ZNF562: variants seen among roughly 807,000 people sequenced by gnomAD.
ZNF562 encodes zinc finger protein 562.
ZNF562 carries 13 observed loss-of-function variants against 17.5 expected under a neutral mutation model. That is an observed-to-expected ratio of 0.74 (90% confidence interval 0.48 to 1.18). The LOEUF is 1.18. ZNF562 is among the 50% of genes most tolerant of loss of function. The pLI is 0.00. For synonymous variants in ZNF562, 163 were observed against 165.4 expected (o/e 0.99, Z 0.11); for missense variants, 481 against 498.5 (o/e 0.96, Z 0.33).
chr19:9,673,014 TC>T (rs2044256750), intron 1 of ZNF562, among the ~76,000 whole-genome samples: 1 of 152,080 alleles, frequency 6.6e-6, no homozygotes, highest in Non-Finnish European at 1.5e-5. Context: ...TCTCCATGCC[TC>T]CTTGCCTCTA....
In ZNF562 at chr19:9,660,781, T is replaced by C; in HGVS notation, c.-37A>G. 1 of 1,611,500 alleles carries C rather than the reference T, an allele frequency of 6.2e-7. No homozygotes were observed. The highest frequency in any genetic ancestry group is 8.5e-7 in the Non-Finnish European group (1 of 1,178,502). On this transcript the variant is annotated 5_prime_UTR_variant, in exon 2 of 6. Transcript: ENST00000453372. The stretch of plus-strand genomic sequence containing the variant: ...GATGGTGAGATGTGCCTCAATGCTG[T>C]CTTTCTTGATGCCAAGATCGCCTCA...
At position 9,660,862 on chromosome 19, in the gene ZNF562, G is replaced by T; in HGVS notation, c.-118C>A. ...CAATCTCCATTCCCCTTTGTACAGG[G>T]TTATCTGAGGCCCTGTTCATACCAA... On this transcript the variant is annotated 5_prime_UTR_variant, in exon 2 of 6. Coordinates refer to ENST00000453372, the MANE Select transcript of ZNF562 (RefSeq NM_001130031.2). 3.1e-6 allele frequency: 3 copies of T among 968,856 alleles called. No individual in the cohort carries two copies. The highest frequency in any genetic ancestry group is 2.5e-5 in the East Asian group (1 of 40,688). 60.0% of individuals were successfully genotyped at this position (968,856 alleles called of 1,614,324 possible).
chr19:9,652,351 A>C lies in ZNF562; in HGVS notation c.*598T>G, dbSNP rs1221689492. The C allele has an allele frequency of 6.6e-6, 1 of 152,276 alleles. No individual in the cohort carries two copies. The highest frequency in any genetic ancestry group is 1.5e-5 in the Non-Finnish European group (1 of 68,072). 9.4% of individuals were successfully genotyped at this position (152,276 alleles called of 1,614,324 possible). A position where few individuals can be genotyped will look rare whatever the true frequency, so the allele number is the denominator to read the frequency against. On this transcript the variant is annotated 3_prime_UTR_variant, in exon 6 of 6. Coordinates refer to ENST00000453372, the MANE Select transcript of ZNF562 (RefSeq NM_001130031.2). Reference sequence around the variant, plus strand: ...GCTCTGCAGGATCCATGGGAACAGAAGAGAACCTTGGAGGAGCATCTTTTT... The same window carrying C: ...GCTCTGCAGGATCCATGGGAACAGACGAGAACCTTGGAGGAGCATCTTTTT...
At chr19:9,661,067 T>A (rs2043716823) in intron 1 of ZNF562, among the ~76,000 whole-genome samples, 193 bp from the exon 2 acceptor site, 1 of 152,206 alleles carries the variant, frequency 6.6e-6, no homozygotes, top group Admixed American at 6.5e-5. Flanking sequence ...GTAGCTCTAG[T>A]AGCTTTATAT....
chr19:9,674,533 A>C (rs1216605243), intron 1 of ZNF562: 5 of 152,008 alleles, frequency 3.3e-5, no homozygotes, highest in Admixed American at 1.3e-4. Flanking sequence ...AAAAAAAGTA[A>C]AGGACATCAA....
intron 1 of ZNF562, among the ~76,000 whole-genome samples, chr19:9,672,725 G>C (rs1033751378): frequency 6.7e-6 from 1 of 149,856 alleles, no homozygotes; most frequent in Middle Eastern, 3.2e-3. Flanking sequence ...CTGTGGGGAA[G>C]TACAGACCTA....
intron 1 of ZNF562, among the ~76,000 whole-genome samples, chr19:9,662,178 A>C (rs1227173379): frequency 6.6e-6 from 1 of 152,216 alleles, no homozygotes; most frequent in Non-Finnish European, 1.5e-5. Flanking sequence ...GTATGACCAG[A>C]AGACAGCCCA....
intron 1 of ZNF562, among the ~76,000 whole-genome samples, chr19:9,669,309 C>A (rs1394391993): frequency 6.6e-6 from 1 of 151,484 alleles, no homozygotes; most frequent in East Asian, 1.9e-4. Context: ...AGATGTTTCT[C>A]AAAAAAAAGA....
intron 2 of ZNF562, 50 bp downstream of exon 2, chr19:9,660,670 A>G: frequency 1.3e-6 from 2 of 1,599,142 alleles, no homozygotes; most frequent in Non-Finnish European, 1.7e-6. Context: ...TATGTTGTGG[A>G]GGGCGACCTA....
In ZNF562 at chr19:9,656,664, A is replaced by G; in HGVS notation, c.242-11T>C. On this transcript the variant is annotated splice_polypyrimidine_tract_variant and intron_variant, in intron 4 of 5. Coordinates refer to ENST00000453372, the MANE Select transcript of ZNF562 (RefSeq NM_001130031.2). ...AGCAGAAAAAGAAATCTAAGGGTTT[A>G]GAGAAGAAATGTGTTAGTTTAAAAT... The G allele has an allele frequency of 6.2e-7, 1 of 1,610,898 alleles. No homozygotes were observed. The highest frequency in any genetic ancestry group is 8.5e-7 in the Non-Finnish European group (1 of 1,177,480).
chr19:9,658,361 T>C (rs532768582), intron 3 of ZNF562: 418 of 982,376 alleles, frequency 4.3e-4, no homozygotes, highest in Admixed American at 2.7e-3. Flanking sequence ...TTCTTTCTTT[T>C]TTTTTGTGAC....
rs192567541 is a variant in ZNF562, at chr19:9,670,016, C to T, written c.-131+4999G>A. Among the ~76,000 whole-genome samples, 708 of 152,146 alleles carry T rather than the reference C, an allele frequency of 4.7e-3. 4 individuals are homozygous for T. Among genetic ancestry groups the T allele is most frequent in the African/African-American group, 0.013 (521 of 41,520 alleles). On this transcript the variant is annotated intron_variant, in intron 1 of 5. Coordinates refer to ENST00000453372, the MANE Select transcript of ZNF562 (RefSeq NM_001130031.2). ...GGCGGACGTTGCAGTGAACCAAGAT[C>T]GTGCCACTGCACCCCAGCCTGAGTG...
intron 5 of ZNF562, 90 bp downstream of exon 5, chr19:9,656,457 T>G: frequency 1.8e-5 from 25 of 1,416,228 alleles, no homozygotes; most frequent in Non-Finnish European, 2.2e-5. Context: ...TGCGGTGAGC[T>G]GAGATGGTGC....
chr19:9,647,481 G>T lies in ZNF562; in HGVS notation c.*5468C>A. 1 of 152,316 alleles carries T rather than the reference G, an allele frequency of 6.6e-6. No individual in the cohort carries two copies. Among genetic ancestry groups the T allele is most frequent in the South Asian group, 2.1e-4 (1 of 4,850 alleles). The allele number at this position is 152,316 out of a possible 1,614,324, so 9.4% of individuals were successfully genotyped here. ...CTGGCCTCAAGGAATCCTTCTGACT[G>T]AGCTTCCCAGTGTGCTGGGATTAAA... is the stretch of plus-strand genomic sequence containing the variant. On this transcript the variant is annotated 3_prime_UTR_variant, in exon 6 of 6. Coordinates refer to ENST00000453372, the MANE Select transcript of ZNF562 (RefSeq NM_001130031.2).
rs2074807100 is a variant in ZNF562 at position 9,646,418 on chromosome 19, A to T, written c.*6531T>A. 6.6e-6 allele frequency: 1 copy of T among 151,298 alleles called. No homozygotes were observed. The highest frequency in any genetic ancestry group is 1.5e-5 in the Non-Finnish European group (1 of 67,962). The allele number at this position is 151,298 out of a possible 1,614,324, so 9.4% of individuals were successfully genotyped here. On this transcript the variant is annotated 3_prime_UTR_variant, in exon 6 of 6. Transcript: ENST00000453372. ...AGCTAAAGTATGTATAAAAAGACAC[A>T]TTTTTTTAAAAAGCATACAGAAAGA...
intron 1 of ZNF562, among the ~76,000 whole-genome samples, chr19:9,663,811 GGA>G (rs2043848683): frequency 6.6e-6 from 1 of 151,400 alleles, no homozygotes; most frequent in African/African-American, 2.4e-5. Context: ...CAAGTAGCTG[GGA>G]CTACAGGACT....
chr19:9,654,574 GC>G (rs1269347859), intron 5 of ZNF562, among the ~76,000 whole-genome samples: 3 of 152,048 alleles, frequency 2.0e-5, no homozygotes, highest in Non-Finnish European at 4.4e-5. Context: ...CGGTTCTTCT[GC>G]CTCAGCCTGC....
chr19:9,658,681 T>A (rs1480551904), intron 3 of ZNF562, among the ~76,000 whole-genome samples: 1 of 152,120 alleles, frequency 6.6e-6, no homozygotes, highest in Admixed American at 6.5e-5. Context: ...TTTTTAAATC[T>A]TTTTTGTCTG....
rs1216109245 is a variant in ZNF562 at position 9,645,061 on chromosome 19, T to G, written c.*7888A>C. 3 of 152,068 alleles carry G rather than the reference T, an allele frequency of 2.0e-5. No homozygotes were observed. The allele number at this position is 152,068 out of a possible 1,614,324, so 9.4% of individuals were successfully genotyped here. On this transcript the variant is annotated 3_prime_UTR_variant, in exon 6 of 6. Transcript: ENST00000453372. The stretch of plus-strand genomic sequence containing the variant: ...TGAACATTGACAGAATTTTTTTTTT[T>G]TTTTTGAGACAGAGTCTCACACTGT...
Sources: allele counts gnomAD v4.1 joint callset (sites outside exome capture counted in the v4.1 genomes callset), GRCh38; gene constraint gnomAD v4.1.1; transcripts MANE v1.5; gene names NCBI Gene and HGNC (gene_info 2026-07-23, HGNC 2026-07-21).